The following EXO1 variants were observed in gnomAD, a reference collection of about 807,000 sequenced individuals.
The protein encoded by EXO1 is exonuclease 1.
In EXO1, 69 loss-of-function variants were observed where a neutral mutation model predicts 84.5. The ratio of observed to expected loss-of-function variants is 0.82; its 90% CI spans 0.67 to 1.00. The LOEUF is 1.00. Among genes scored for constraint, EXO1 ranks in the 50% least tolerant of loss-of-function variants. The pLI is 0.00. For missense variants in EXO1, 1,045 were observed against 1,000.7 expected, an observed-to-expected ratio of 1.04 and a Z score of -0.60; for synonymous variants, 373 against 366.1, an observed-to-expected ratio of 1.02 and a Z score of -0.21.
At position 241,858,607 on chromosome 1, in the gene EXO1, T is replaced by C; in HGVS notation, c.645T>C (p.Phe215=). ...GGGATGTATTCACGGAAGAGAAGTT[T>C]CGTTACATGTGTATTCTTTCAGGTT... ...QLGDVFTEEK[F]RYMCILSGCD... is the part of the protein sequence containing the mutation. Residue 215 remains phenylalanine (F), a synonymous_variant, in exon 8 of 16, where the codon TTT becomes TTC. Coordinates refer to ENST00000366548, the MANE Select transcript of EXO1 (RefSeq NM_130398.4). The C allele has an allele frequency of 6.2e-7, 1 of 1,614,022 alleles. No homozygotes were observed. The highest frequency in any genetic ancestry group is 8.5e-7 in the Non-Finnish European group (1 of 1,179,912).
intron 12 of EXO1, among the ~76,000 whole-genome samples, chr1:241,876,443 G>A (rs560320114): frequency 2.0e-5 from 3 of 151,882 alleles, no homozygotes; most frequent in South Asian, 2.1e-4. Flanking sequence ...TTAGCTGGGC[G>A]TAGTGGCAGA....
In EXO1 at chr1:241,882,008, AAG is replaced by A. The variant is rs756361555; in HGVS notation, c.2203_2204del (p.Arg735GlufsTer8). 12 of 1,478,452 alleles carry A rather than the reference AAG, an allele frequency of 8.1e-6. No homozygotes were observed. The highest frequency in any genetic ancestry group is 1.1e-5 in the Non-Finnish European group (12 of 1,057,902). 91.6% of individuals were successfully genotyped at this position (1,478,452 alleles called of 1,614,324 possible). The stretch of plus-strand genomic sequence containing the variant: ...ATTTCTCAAAAAAAGACACACCTCT[AAG>A]GAACAAGGTAAAACATTTATTTAAT... ...SHFSKKDTPLRNKVPGLYKSS... is the reference protein window; with the variant it reads ...SHFSKKDTPLXNKVPGLYKSS... On this transcript the variant is annotated frameshift_variant, in exon 14 of 16. Transcript: ENST00000366548. LOFTEE classifies it high-confidence loss of function.
Position 241,861,474 on chromosome 1 carries a change from T to A in EXO1, c.1013T>A (p.Ile338Asn). ...GNKDINTFEQIDDYNPDTAMP... is the reference protein window; with the variant it reads ...GNKDINTFEQNDDYNPDTAMP... Reference sequence around the variant, plus strand: ...AAAGATATAAATACTTTTGAACAGATCGATGACTACAATCCAGACACTGCT... The same window carrying A: ...AAAGATATAAATACTTTTGAACAGAACGATGACTACAATCCAGACACTGCT... The change falls in exon 10 of 16, where the codon ATC (isoleucine) becomes AAC (asparagine). Residue 338 changes from isoleucine (I) to asparagine (N), a missense_variant. Transcript: ENST00000366548. 6.3e-7 allele frequency: 1 copy of A among 1,590,830 alleles called. No individual in the cohort carries two copies. The highest frequency in any genetic ancestry group is 8.6e-7 in the Non-Finnish European group (1 of 1,158,746).
At chr1:241,879,782 A>T (rs1045386462) in intron 13 of EXO1, among the ~76,000 whole-genome samples, 1 of 152,194 alleles carries the variant, frequency 6.6e-6, no homozygotes, top group African/African-American at 2.4e-5. Context: ...AGGCGAGCGG[A>T]TCACTTGAGG....
intron 12 of EXO1, 36 bp from the exon 13 acceptor site, chr1:241,878,713 A>G: frequency 7.5e-7 from 1 of 1,325,358 alleles, no homozygotes; most frequent in South Asian, 1.2e-5. Flanking sequence ...TAAAATACTC[A>G]TACTTACTTA....
At chr1:241,868,802 G>A (rs963603228) in intron 11 of EXO1, among the ~76,000 whole-genome samples, 3 of 152,180 alleles carry the variant, frequency 2.0e-5, no homozygotes, top group African/African-American at 7.2e-5. Flanking sequence ...TCATTGTACA[G>A]ATCTTAACAT....
intron 5 of EXO1, among the ~76,000 whole-genome samples, chr1:241,852,790 G>A (rs774124205): frequency 7.9e-5 from 12 of 152,162 alleles, no homozygotes; most frequent in Non-Finnish European, 1.8e-4. Flanking sequence ...CCGAGTAGCT[G>A]GGACTACAGG....
intron 14 of EXO1, among the ~76,000 whole-genome samples, chr1:241,883,939 C>T (rs979103838): frequency 1.3e-5 from 2 of 152,110 alleles, no homozygotes; most frequent in Non-Finnish European, 1.5e-5. Flanking sequence ...CAGACATTTG[C>T]ATTGTCAGGG....
intron 13 of EXO1, among the ~76,000 whole-genome samples, chr1:241,881,633 T>C (rs1301736627): frequency 1.3e-5 from 2 of 152,220 alleles, no homozygotes; most frequent in Admixed American, 6.5e-5. Context: ...TAGGAGACTC[T>C]TGTTTTATCT....
chr1:241,886,188 G>A (rs1443208730), intron 15 of EXO1, among the ~76,000 whole-genome samples: 2 of 152,194 alleles, frequency 1.3e-5, no homozygotes, highest in Non-Finnish European at 2.9e-5. Flanking sequence ...GAAACACAGT[G>A]CAATATCGTA....
At chr1:241,861,882 A>G (rs1232348063) in intron 10 of EXO1, among the ~76,000 whole-genome samples, 1 of 152,146 alleles carries the variant, frequency 6.6e-6, no homozygotes, top group East Asian at 1.9e-4. Flanking sequence ...CTCATGCACA[A>G]TTTAACAAAT....
rs1247804140 is a variant in EXO1 at position 241,885,460 on chromosome 1, G to A, written c.2358G>A (p.Gly786=). 4.3e-6 allele frequency: 7 copies of A among 1,613,636 alleles called. No individual in the cohort carries two copies. In the East Asian group the frequency reaches 1.3e-4, roughly 31 times the overall value. Residue 786 remains glycine, a synonymous_variant, in exon 15 of 16, where the codon GGG becomes GGA. Coordinates refer to ENST00000366548, the MANE Select transcript of EXO1 (RefSeq NM_130398.4). The part of the protein sequence containing the change: ...RKHHNAENKP[G]LQIKLNELWK... ...ATCATAATGCCGAGAACAAGCCGGG[G>A]TTACAGATCAAACTCAATGAGCTCT...
rs1000287789 is a variant in EXO1 at position 241,857,440 on chromosome 1, A to G, written c.501A>G (p.Ile167Met). ...YLNKAGIVQAIITEDSDLLAF... is the reference protein window; with the variant it reads ...YLNKAGIVQAMITEDSDLLAF... ...ACAAAGCGGGAATTGTGCAAGCCAT[A>G]ATTACAGAGGACTCGGATCTCCTAG... The change falls in exon 7 of 16, where the codon ATA becomes ATG. Residue 167 changes from isoleucine (I) to methionine (M), a missense_variant. By Grantham distance (10) the Ile-to-Met change is conservative. Transcript: ENST00000366548. 1.2e-6 allele frequency: 2 copies of G among 1,614,030 alleles called. No individual in the cohort carries two copies. The highest frequency in any genetic ancestry group is 2.2e-5 in the East Asian group (1 of 44,876).
At chr1:241,883,303 A>T (rs770255145) in intron 14 of EXO1, among the ~76,000 whole-genome samples, 7 of 152,242 alleles carry the variant, frequency 4.6e-5, no homozygotes, top group Non-Finnish European at 1.0e-4. Flanking sequence ...GGATTTGCTT[A>T]AATGATAAAT....
chr1:241,885,977 C>T (rs187510001), intron 15 of EXO1, among the ~76,000 whole-genome samples: 10 of 152,184 alleles, frequency 6.6e-5, no homozygotes, highest in Non-Finnish European at 1.3e-4. Context: ...CCTCAGCCTC[C>T]CGAGTAGCTG....
chr1:241,853,409 A>G lies in EXO1; in HGVS notation c.333A>G (p.Lys111=). ...LKGKQLLREG[K]VSEARECFTR... ...GAAAGCAACTTCTTCGTGAGGGGAA[A>G]GTCTCGGAAGCTCGAGAGTGTTTCA... Residue 111 remains lysine, a synonymous_variant, in exon 6 of 16, where the codon AAA becomes AAG. Transcript: ENST00000366548. 1 of 1,614,012 alleles carries G rather than the reference A, an allele frequency of 6.2e-7. No homozygotes were observed. Among genetic ancestry groups the G allele is most frequent in the Middle Eastern group, 1.6e-4 (1 of 6,062 alleles).
Position 241,889,704 on chromosome 1 carries a change from T to C in EXO1, c.*104T>C. The stretch of plus-strand genomic sequence containing the variant: ...CAGCATGAAGAATTTTTTCTCATTC[T>C]GTGCCATTTTAAAAATAGAATACAT... On this transcript the variant is annotated 3_prime_UTR_variant, in exon 16 of 16. Coordinates refer to ENST00000366548, the MANE Select transcript of EXO1 (RefSeq NM_130398.4). 8.9e-7 allele frequency: 1 copy of C among 1,121,314 alleles called. No homozygotes were observed. The allele number at this position is 1,121,314 out of a possible 1,614,324, so 69.5% of individuals were successfully genotyped here.
rs564466502 is a variant in EXO1, at chr1:241,849,983, A to C, written c.-17-426A>C. Among the ~76,000 whole-genome samples the C allele has an allele frequency of 3.3e-5, 5 of 152,336 alleles. No individual in the cohort carries two copies. The South Asian group carries it at 6.2e-4, about 19-fold the overall frequency. Reference sequence around the variant, plus strand: ...AATATTAAAGAGCAGTGATTCTTGAATATCTGAACAATTTCTGGCCGGGCG... The same window carrying C: ...AATATTAAAGAGCAGTGATTCTTGACTATCTGAACAATTTCTGGCCGGGCG... On this transcript the variant is annotated intron_variant, in intron 3 of 15. Coordinates refer to ENST00000366548, the MANE Select transcript of EXO1 (RefSeq NM_130398.4).
chr1:241,860,556 A>C lies in EXO1; in HGVS notation c.796A>C (p.Thr266Pro). 6.2e-7 allele frequency: 1 copy of C among 1,614,008 alleles called. No homozygotes were observed. Among genetic ancestry groups the C allele is most frequent in the Non-Finnish European group, 8.5e-7 (1 of 1,179,888 alleles). Residue 266 changes from threonine (T) to proline (P), a missense_variant, in exon 9 of 16, where the codon ACG (threonine) becomes CCG (proline). Transcript: ENST00000366548. ...TGGACATTATCTCAAGATGAATATC[A>C]CGGTACCAGAGGATTACATCAACGG... ...KIGHYLKMNI[T>P]VPEDYINGFI...
Sources: allele counts gnomAD v4.1 joint callset (sites outside exome capture counted in the v4.1 genomes callset), GRCh38; gene constraint gnomAD v4.1.1; transcripts MANE v1.5; gene names NCBI Gene and HGNC (gene_info 2026-07-23, HGNC 2026-07-21).